PLPP1: variants seen among roughly 807,000 people sequenced by gnomAD.
The protein encoded by PLPP1 is phospholipid phosphatase 1.
Under a neutral mutation model 31.2 loss-of-function variants are expected in PLPP1, and 24 were observed. The observed-to-expected ratio is 0.77, with a 90% CI of 0.56 to 1.08. PLPP1 has a LOEUF of 1.08. PLPP1 is among the 50% of genes least tolerant of loss of function. PLPP1 has a pLI of 0.00. For missense variants in PLPP1, 319 were observed against 342.7 expected (o/e 0.93, Z 0.55); for synonymous variants, 146 against 126.3 (o/e 1.16, Z -1.05).
At chr5:55,465,502 A>T (rs1363872410) in intron 3 of PLPP1, among the ~76,000 whole-genome samples, 2 of 152,202 alleles carry the variant, frequency 1.3e-5, no homozygotes, top group Non-Finnish European at 2.9e-5. Context: ...ACACTGGAAG[A>T]AGAACTGTCT....
At position 55,534,582 on chromosome 5, in the gene PLPP1, G is replaced by A; in HGVS notation, c.48C>T (p.Cys16=). 1 of 1,554,140 alleles carries A rather than the reference G, an allele frequency of 6.4e-7. No homozygotes were observed. The highest frequency in any genetic ancestry group is 8.7e-7 in the Non-Finnish European group (1 of 1,152,156). ...GCGGCGCGTACGTACCCAGCAACAC[G>A]CAGAGCACATCGAGGGCCACGTACG... ...RLPYVALDVL[C]VLLAGLPFAI... is the part of the protein sequence containing the mutation. Residue 16 remains cysteine (C), a synonymous_variant, in exon 1 of 6, where the codon TGC becomes TGT. Transcript: ENST00000307259.
intron 1 of PLPP1, among the ~76,000 whole-genome samples, chr5:55,499,936 T>C (rs1753098650): frequency 6.6e-6 from 1 of 151,866 alleles, no homozygotes; most frequent in African/African-American, 2.4e-5. Flanking sequence ...ATATAAGAGA[T>C]ATATTTATAT....
chr5:55,486,305 C>T (rs971094203), intron 1 of PLPP1, among the ~76,000 whole-genome samples: 2 of 152,122 alleles, frequency 1.3e-5, no homozygotes, highest in Non-Finnish European at 2.9e-5. Context: ...TATAAAGTGG[C>T]TGGATGTGGT....
At chr5:55,522,691 ATTTTGTTTTGTTTTGTTTTGTTTTG>A (rs148739898) in intron 1 of PLPP1, among the ~76,000 whole-genome samples, 63 of 150,324 alleles carry the variant, frequency 4.2e-4, no homozygotes, top group Admixed American at 2.1e-3. Context: ...TAAAATAATC[ATTTTGTTTTGTTTTGTTTTGTTTTG>A]TTTTGTTTTG....
At chr5:55,438,345 TGGC>T (rs1172698855) in intron 4 of PLPP1, among the ~76,000 whole-genome samples, 3 of 152,210 alleles carry the variant, frequency 2.0e-5, no homozygotes, top group African/African-American at 7.2e-5. Context: ...GACACTCTCT[TGGC>T]ACAGTTAAGT....
At chr5:55,500,143 A>G (rs996324313) in intron 1 of PLPP1, among the ~76,000 whole-genome samples, 2 of 146,752 alleles carry the variant, frequency 1.4e-5, no homozygotes, top group Non-Finnish European at 3.0e-5. Flanking sequence ...GCAGTGGCGC[A>G]ATCTCGGCTC....
At chr5:55,445,096 A>G (rs978936994) in intron 3 of PLPP1, among the ~76,000 whole-genome samples, 4 of 151,866 alleles carry the variant, frequency 2.6e-5, no homozygotes, top group African/African-American at 9.7e-5. Context: ...TTTTCCTCAC[A>G]TTTGCCAGCC....
At chr5:55,514,581 T>C (rs563074317) in intron 1 of PLPP1, among the ~76,000 whole-genome samples, 1 of 152,314 alleles carries the variant, frequency 6.6e-6, no homozygotes, top group African/African-American at 2.4e-5. Context: ...TACTAAGGTG[T>C]GTCTCAGAAG....
In PLPP1 at chr5:55,482,203, G is replaced by GAC. The variant is rs112327602; in HGVS notation, c.59-6755_59-6754dup. Among the ~76,000 whole-genome samples the GAC allele has an allele frequency of 2.5e-3, 355 of 144,534 alleles. 2 individuals carry two copies. The highest frequency in any genetic ancestry group is 0.014 in the East Asian group (70 of 4,968). The allele number at this position is 144,534 out of a possible 152,430, so 94.8% of individuals were successfully genotyped here. ...ATAGTATATAGTATATACACACACAGACACACACACACACACACACACATC... is the reference window on the plus strand; with the variant it reads ...ATAGTATATAGTATATACACACACAGACACACACACACACACACACACACATC... On this transcript the variant is annotated intron_variant, in intron 1 of 5. Transcript: ENST00000307259.
At chr5:55,471,665 C>A (rs1340623933) in intron 2 of PLPP1, among the ~76,000 whole-genome samples, 2 of 152,194 alleles carry the variant, frequency 1.3e-5, no homozygotes, top group African/African-American at 4.8e-5. Flanking sequence ...ATTAATCAAT[C>A]ATTTGCAACT....
At chr5:55,427,208 TAGA>T (rs1424834137) in intron 4 of PLPP1, among the ~76,000 whole-genome samples, 2 of 152,194 alleles carry the variant, frequency 1.3e-5, no homozygotes, top group African/African-American at 4.8e-5. Flanking sequence ...ATGCAGTCCT[TAGA>T]AAACAATATA....
At chr5:55,496,342 T>G (rs536823623) in intron 1 of PLPP1, among the ~76,000 whole-genome samples, 61 of 152,324 alleles carry the variant, frequency 4.0e-4, no homozygotes, top group African/African-American at 1.3e-3. Context: ...TTCTCTTAAT[T>G]AAAATTTCCT....
chr5:55,482,062 G>A (rs909669377), intron 1 of PLPP1, among the ~76,000 whole-genome samples: 7 of 142,914 alleles, frequency 4.9e-5, no homozygotes, highest in African/African-American at 1.8e-4. Context: ...ATCCAAAGGG[G>A]GAAATATAAA....
chr5:55,503,769 G>T (rs1753196577), intron 1 of PLPP1, among the ~76,000 whole-genome samples: 1 of 140,218 alleles, frequency 7.1e-6, no homozygotes, highest in African/African-American at 2.7e-5. Context: ...ACAGAGAGAG[G>T]CTGTCTCAAA....
chr5:55,528,458 T>C (rs1740547667), intron 1 of PLPP1, among the ~76,000 whole-genome samples: 1 of 152,262 alleles, frequency 6.6e-6, no homozygotes, highest in Non-Finnish European at 1.5e-5. Context: ...GATTATCTTA[T>C]TCATCTTTGT....
chr5:55,512,326 C>T (rs1158783386), intron 1 of PLPP1, among the ~76,000 whole-genome samples: 1 of 151,332 alleles, frequency 6.6e-6, no homozygotes, highest in Non-Finnish European at 1.5e-5. Context: ...CAAAAATTAG[C>T]CAGGCGTGGT....
At chr5:55,474,195 C>T (rs1455069927) in intron 2 of PLPP1, among the ~76,000 whole-genome samples, 1 of 151,698 alleles carries the variant, frequency 6.6e-6, no homozygotes, top group African/African-American at 2.4e-5. Flanking sequence ...CGGGGTTTCA[C>T]CAGGTTGGCC....
chr5:55,425,134 CATCCTCTTGCCTTGTGGCA>C lies in PLPP1; in HGVS notation c.*53_*71del. 1 of 1,521,656 alleles carries C rather than the reference CATCCTCTTGCCTTGTGGCA, an allele frequency of 6.6e-7. No homozygotes were observed. The highest frequency in any genetic ancestry group is 1.4e-5 in the African/African-American group (1 of 71,582). 94.3% of individuals were successfully genotyped at this position (1,521,656 alleles called of 1,614,324 possible). A position where few individuals can be genotyped will look rare whatever the true frequency, so the allele number is the denominator to read the frequency against. The stretch of plus-strand genomic sequence containing the variant: ...GGCTTGTACACCAGGAAGAAAGATG[CATCCTCTTGCCTTGTGGCA>C]ATCATTTTCCTTTAGAAAACAGGCC... On this transcript the variant is annotated 3_prime_UTR_variant, in exon 6 of 6. Coordinates refer to ENST00000307259, the MANE Select transcript of PLPP1 (RefSeq NM_003711.4).
chr5:55,483,356 G>A (rs1006891138), intron 1 of PLPP1, among the ~76,000 whole-genome samples: 16 of 152,050 alleles, frequency 1.1e-4, no homozygotes, highest in Admixed American at 9.8e-4. Context: ...AACAACATCA[G>A]TTGAAAAGGA....
Sources: gnomAD v4.1 joint callset for allele counts (sites outside exome capture counted in the v4.1 genomes callset) on GRCh38, gnomAD v4.1.1 for gene constraint, MANE v1.5 for transcripts, NCBI Gene and HGNC (gene_info 2026-07-23, HGNC 2026-07-21) for gene names.